Variants in NBPF12 observed in about 807,000 individuals in gnomAD.
NBPF12 encodes the protein NBPF family member NBPF12.
In NBPF12, 115 loss-of-function variants were observed where a neutral mutation model predicts 146.4. The observed-to-expected ratio is 0.79, with a 90% CI of 0.68 to 0.92. NBPF12 has a LOEUF of 0.92. NBPF12 is among the 40% of genes least tolerant of loss of function. The pLI is 0.00. For missense variants in NBPF12, 1,205 were observed against 1,326.8 expected, an observed-to-expected ratio of 0.91 and a Z score of 1.43; for synonymous variants, 385 against 508.9, an observed-to-expected ratio of 0.76 and a Z score of 3.28.
At chr1:146,970,753 G>T in intron 12 of NBPF12, 34 bp downstream of exon 15, 1 of 1,294,216 alleles carries the variant, frequency 7.7e-7, no homozygotes, top group Admixed American at 1.7e-5. Flanking sequence ...AGTAATGGGT[G>T]TTAACATATG....
exon 12 of NBPF12, chr1:146,970,711 T>G: frequency 1.5e-6 from 2 of 1,367,500 alleles, no homozygotes; most frequent in East Asian, 2.3e-5. Flanking sequence ...TGGAATCATC[T>G]TCCCCCAGGT....
At chr1:146,948,813 T>G (rs1655188287), upstream of NBPF12, among the ~76,000 whole-genome samples, 1 of 151,356 alleles carries the variant, frequency 6.6e-6, no homozygotes, top group Non-Finnish European at 1.5e-5. Context: ...GTCTGTCTCC[T>G]GCTCATCCCT....
At chr1:146,970,864 G>T in intron 12 of NBPF12, 145 bp downstream of exon 15, 1 of 986,684 alleles carries the variant, frequency 1.0e-6, no homozygotes, top group South Asian at 1.3e-5. Flanking sequence ...TTAGACACAG[G>T]GTGTGGCAGC....
chr1:146,969,506 G>A lies in NBPF12; in HGVS notation c.1216G>A (p.Glu406Lys). ...TCTCCAGGCCCTCCTCACTCCGGATGAGCCGGACAAGTCCCAGGGGCAGGA... is the reference window on the plus strand; with the variant it reads ...TCTCCAGGCCCTCCTCACTCCGGATAAGCCGGACAAGTCCCAGGGGCAGGA... Residue 406 changes from glutamate to lysine, a missense_variant, in exon 11 of 34, where the codon GAG becomes AAG. By Grantham distance (56) the Glu-to-Lys change is moderately conservative (BLOSUM62 1). Transcript: ENST00000617844. 2.4e-6 allele frequency: 3 copies of A among 1,246,658 alleles called. 1 individual carries two copies. The highest frequency in any genetic ancestry group is 3.5e-6 in the Non-Finnish European group (3 of 855,944). 77.2% of individuals were successfully genotyped at this position (1,246,658 alleles called of 1,614,324 possible). A position where few individuals can be genotyped will look rare whatever the true frequency, so the allele number is the denominator to read the frequency against.
At chr1:146,989,368 CTG>C (rs1229978058) in intron 27 of NBPF12, among the ~76,000 whole-genome samples, 1 of 145,858 alleles carries the variant, frequency 6.9e-6, no homozygotes, top group Non-Finnish European at 1.5e-5. Context: ...GTCTCTGTCT[CTG>C]TCTCTCTCTC....
At chr1:146,942,931 CTA>C (rs1654871287) in intron 1 of NBPF12, among the ~76,000 whole-genome samples, 2 of 135,968 alleles carry the variant, frequency 1.5e-5, no homozygotes, top group African/African-American at 5.6e-5. Flanking sequence ...AGTCAGGACT[CTA>C]TTTTTTCCCC....
upstream of NBPF12, among the ~76,000 whole-genome samples, chr1:146,945,495 A>G (rs1655011244): frequency 6.6e-6 from 1 of 151,904 alleles, no homozygotes; most frequent in Non-Finnish European, 1.5e-5. Flanking sequence ...TTAGAGGTAA[A>G]TGGCATAGGC....
chr1:146,992,458 CTCTCTGTGTGTGTG>C (rs1246549233), intron 31 of NBPF12, among the ~76,000 whole-genome samples: 21 of 99,558 alleles, frequency 2.1e-4, no homozygotes, highest in South Asian at 1.0e-3. Flanking sequence ...CTCTCTCTCT[CTCTCTGTGTGTGTG>C]TGTGTGTGTG....
upstream of NBPF12, among the ~76,000 whole-genome samples, chr1:146,945,258 A>G (rs1471232627): frequency 7.9e-5 from 12 of 151,204 alleles, no homozygotes; most frequent in East Asian, 1.9e-4. Flanking sequence ...TCTGTCTTGT[A>G]GGCAGGGAGC....
chr1:146,951,774 A>G, intron 2 of NBPF12: 1 of 283,846 alleles, frequency 3.5e-6, no homozygotes, highest in South Asian at 3.9e-5. Context: ...AATTTATAAT[A>G]TGCAAATTTG....
chr1:146,955,013 T>TATACAC (rs1411814328), intron 2 of NBPF12, among the ~76,000 whole-genome samples: 34 of 67,420 alleles, frequency 5.0e-4, no homozygotes, highest in Non-Finnish European at 7.3e-4. Flanking sequence ...TATATATATA[T>TATACAC]ACACACACAC....
At chr1:146,969,571 G>T in exon 11 of NBPF12, 1 of 1,608,174 alleles carries the variant, frequency 6.2e-7, no homozygotes, top group South Asian at 1.1e-5. Context: ...GACTGGCACA[G>T]CACCTTGTCC....
chr1:146,971,086 T>C, intron 12 of NBPF12, 97 bp from the exon 16 acceptor site: 1 of 1,591,974 alleles, frequency 6.3e-7, no homozygotes, highest in Non-Finnish European at 8.6e-7. Flanking sequence ...CTGGGACCAC[T>C]CTCTTAATGC....
intron 4 of NBPF12, among the ~76,000 whole-genome samples, chr1:146,961,580 C>T (rs1429302511): frequency 2.7e-5 from 4 of 149,280 alleles, no homozygotes; most frequent in African/African-American, 5.2e-5. Context: ...TTAATGCTGC[C>T]TCTCATACTA....
intron 8 of NBPF12, 122 bp from the exon 12 acceptor site, chr1:146,966,342 C>G: frequency 1.1e-6 from 1 of 906,752 alleles, no homozygotes; most frequent in Non-Finnish European, 1.9e-6. Context: ...AAGAGTGAAA[C>G]CAGGGAAACA....
At position 146,994,655 on chromosome 1, in the gene NBPF12, T is replaced by A. The variant is rs1658431165; in HGVS notation, c.*80T>A. On this transcript the variant is annotated 3_prime_UTR_variant, in exon 34 of 34. Coordinates refer to ENST00000617844, the Ensembl canonical transcript of NBPF12. ...CTGAAGATTTGAATGAAACTATAGTTCCATTTGGAAGCCCAGACATAGGAT... is the reference window on the plus strand; with the variant it reads ...CTGAAGATTTGAATGAAACTATAGTACCATTTGGAAGCCCAGACATAGGAT... 6.4e-6 allele frequency: 10 copies of A among 1,574,362 alleles called. No individual in the cohort carries two copies. In the South Asian group the frequency reaches 8.0e-5, roughly 13 times the overall value.
At chr1:146,959,483 G>A (rs1374567846) in intron 2 of NBPF12, among the ~76,000 whole-genome samples, 3 of 62,018 alleles carry the variant, frequency 4.8e-5, no homozygotes, top group Non-Finnish European at 9.3e-5. Flanking sequence ...GTGAGACTCT[G>A]TCTCAAAAAA....
chr1:146,967,040 T>C (rs1234929992), intron 9 of NBPF12, among the ~76,000 whole-genome samples: 1 of 151,394 alleles, frequency 6.6e-6, no homozygotes, highest in African/African-American at 2.5e-5. Flanking sequence ...TATCTGAGAC[T>C]AGTGAACTTT....
chr1:146,965,597 A>C (rs1370330060), intron 8 of NBPF12, among the ~76,000 whole-genome samples: 9 of 147,338 alleles, frequency 6.1e-5, no homozygotes, highest in Admixed American at 4.1e-4. Context: ...CCTGGCTAAC[A>C]CGGTGAAACC....
Sources: gnomAD v4.1 joint callset for allele counts (sites outside exome capture counted in the v4.1 genomes callset) on GRCh38, gnomAD v4.1.1 for gene constraint, MANE v1.5 for transcripts, NCBI Gene and HGNC (gene_info 2026-07-23, HGNC 2026-07-21) for gene names.